POLR1B: variants seen among roughly 807,000 people sequenced by gnomAD.
The protein encoded by POLR1B is RNA polymerase I subunit B, also known as DNA-directed RNA polymerase I subunit RPA2.
In POLR1B, 30 loss-of-function variants were observed where a neutral mutation model predicts 105.8. The ratio of observed to expected loss-of-function variants is 0.28; its 90% confidence interval spans 0.21 to 0.38. POLR1B has a LOEUF of 0.38. Ranked by LOEUF, POLR1B falls within the 10% of genes least tolerant of loss-of-function variation. The pLI is 1.00. For missense variants in POLR1B, 976 were observed against 1,435.8 expected (o/e 0.68, Z 5.17); for synonymous variants, 485 against 505.1 (o/e 0.96, Z 0.53).
chr2:112,560,015 CT>C (rs1683890240), intron 9 of POLR1B, among the ~76,000 whole-genome samples: 1 of 151,968 alleles, frequency 6.6e-6, no homozygotes, highest in African/African-American at 2.4e-5. Context: ...TTTTACTCTT[CT>C]GTGCAGGAGT....
intron 1 of POLR1B, among the ~76,000 whole-genome samples, chr2:112,545,485 C>A (rs1328051162): frequency 6.6e-6 from 1 of 152,104 alleles, no homozygotes; most frequent in Non-Finnish European, 1.5e-5. Flanking sequence ...ATGTATTTAC[C>A]CTAGGAGCAG....
chr2:112,575,231 C>T lies in POLR1B; in HGVS notation c.2910C>T (p.Gly970=), dbSNP rs1414886532. The T allele has an allele frequency of 6.2e-7, 1 of 1,614,024 alleles. No homozygotes were observed. The highest frequency in any genetic ancestry group is 1.3e-5 in the African/African-American group (1 of 74,910). Residue 970 remains glycine (G), a synonymous_variant, in exon 15 of 15, where the codon GGC becomes GGT. Coordinates refer to ENST00000263331, the MANE Select transcript of POLR1B (RefSeq NM_019014.6). This position sits in a 1 kb window ranked among gnomAD's most constrained non-coding sequence, Gnocchi z 5.3. ...EYFGEMLKAA[G]YNFYGTERLY... is the part of the protein sequence containing the mutation. ...TTGGTGAGATGTTAAAGGCTGCTGGCTACAATTTCTATGGCACCGAGAGGT... is the reference window on the plus strand; with the variant it reads ...TTGGTGAGATGTTAAAGGCTGCTGGTTACAATTTCTATGGCACCGAGAGGT...
intron 11 of POLR1B, 69 bp from the exon 12 acceptor site, chr2:112,568,677 T>G: frequency 1.7e-5 from 26 of 1,536,014 alleles, no homozygotes; most frequent in Non-Finnish European, 2.1e-5. Flanking sequence ...TACTGAACTC[T>G]GAGAAATGGT....
chr2:112,548,781 T>A (rs1252863298), intron 3 of POLR1B, among the ~76,000 whole-genome samples: 1 of 151,984 alleles, frequency 6.6e-6, no homozygotes, highest in African/African-American at 2.4e-5. Flanking sequence ...CCTGGCTAAT[T>A]TTTTGTATTT....
At chr2:112,551,497 T>A (rs1491000798) in intron 5 of POLR1B, among the ~76,000 whole-genome samples, 6 of 152,178 alleles carry the variant, frequency 3.9e-5, no homozygotes, top group Non-Finnish European at 7.3e-5. Flanking sequence ...CCCATTATCT[T>A]TTTCACCACA....
In POLR1B at chr2:112,551,705, T is replaced by A. The variant is rs1683374354; in HGVS notation, c.763-70T>A. The A allele has an allele frequency of 2.4e-6, 3 of 1,264,022 alleles. No homozygotes were observed. The South Asian group carries it at 4.3e-5, about 18-fold the overall frequency. 78.3% of individuals were successfully genotyped at this position (1,264,022 alleles called of 1,614,324 possible). On this transcript the variant is annotated intron_variant, in intron 5 of 14. Coordinates refer to ENST00000263331, the MANE Select transcript of POLR1B (RefSeq NM_019014.6). ...TGGGTATTAAAAAAATGAGAGAAGA[T>A]AATTATTAGTGAATAGATAAAGTAT...
intron 1 of POLR1B, among the ~76,000 whole-genome samples, chr2:112,544,396 C>T (rs1291461542): frequency 2.6e-5 from 4 of 152,120 alleles, no homozygotes; most frequent in Non-Finnish European, 5.9e-5. Context: ...TGCACCACTG[C>T]ATTCCAGCCT....
chr2:112,546,880 A>T (rs1683084916), intron 1 of POLR1B, 132 bp from the exon 2 acceptor site: 1 of 986,670 alleles, frequency 1.0e-6, no homozygotes, highest in African/African-American at 1.6e-5. Context: ...GGTAGCCTTA[A>T]CTGTCCTTTT....
At position 112,559,440 on chromosome 2, in the gene POLR1B, C is replaced by T. The variant is rs532394488; in HGVS notation, c.1478C>T (p.Ser493Phe). 1.2e-5 allele frequency: 20 copies of T among 1,614,232 alleles called. No homozygotes were observed. The highest frequency in any genetic ancestry group is 1.6e-5 in the Non-Finnish European group (19 of 1,180,042). ...TTTVRRLLPESWGFLCPVHTP... is the reference protein window; with the variant it reads ...TTTVRRLLPEFWGFLCPVHTP... ...ACAGTACGCAGGCTGCTGCCAGAGT[C>T]CTGGGGCTTCCTTTGTCCCGTGCAT... is the stretch of plus-strand genomic sequence containing the variant. Residue 493 changes from serine (S) to phenylalanine (F), a missense_variant, in exon 9 of 15, where the codon TCC becomes TTC. Around this residue, in one of 12 missense-constraint regions of POLR1B, gnomAD observed 452 missense variants for 616.5 expected, o/e 0.73. Transcript: ENST00000263331.
In POLR1B at chr2:112,551,843, C is replaced by G; in HGVS notation, c.831C>G (p.Phe277Leu). 1 of 1,614,140 alleles carries G rather than the reference C, an allele frequency of 6.2e-7. No homozygotes were observed. The highest frequency in any genetic ancestry group is 8.5e-7 in the Non-Finnish European group (1 of 1,180,006). ...TCAAAGGAAAAGAGGATGATTCTTT[C>G]CTTAGGAACTCTGTTTCTCAGATGT... ...ELIKGKEDDS[F>L]LRNSVSQMLR... Residue 277 changes from phenylalanine to leucine, a missense_variant, in exon 6 of 15, where the codon TTC (phenylalanine) becomes TTG (leucine). Phe to Leu is a conservative substitution (Grantham distance 22). This residue lies in a region of POLR1B where 452 missense variants were observed against 616.5 expected (regional missense o/e 0.73). Coordinates refer to ENST00000263331, the MANE Select transcript of POLR1B (RefSeq NM_019014.6).
At chr2:112,548,615 CTTTT>C (rs199599329) in intron 3 of POLR1B, among the ~76,000 whole-genome samples, 1 of 142,728 alleles carries the variant, frequency 7.0e-6, no homozygotes, top group Non-Finnish European at 1.5e-5. Context: ...TTTTATCTTT[CTTTT>C]TTTTTTTTTT....
chr2:112,550,583 A>G (rs1414038707), intron 4 of POLR1B: 1 of 402,110 alleles, frequency 2.5e-6, no homozygotes, highest in Non-Finnish European at 4.5e-6. Flanking sequence ...TAAGGCAGAT[A>G]TAAAGTGCTA....
chr2:112,568,692 G>A, intron 11 of POLR1B, 54 bp from the exon 12 acceptor site: 2 of 1,578,190 alleles, frequency 1.3e-6, no homozygotes, highest in Non-Finnish European at 1.7e-6. Flanking sequence ...AATGGTAAGA[G>A]TAAATGTGTA....
rs1327083284 is a variant in POLR1B, at chr2:112,576,821, A to C, written c.*1092A>C. 4 of 152,194 alleles carry C rather than the reference A, an allele frequency of 2.6e-5. No homozygotes were observed. Among genetic ancestry groups the C allele is most frequent in the Admixed American group, 6.5e-5 (1 of 15,282 alleles). 9.4% of individuals were successfully genotyped at this position (152,194 alleles called of 1,614,324 possible). On this transcript the variant is annotated 3_prime_UTR_variant, in exon 15 of 15. Coordinates refer to ENST00000263331, the MANE Select transcript of POLR1B (RefSeq NM_019014.6). The stretch of plus-strand genomic sequence containing the variant: ...AGTGATCCACCCACCTCGGCCTCCG[A>C]AAGTGCTAGGATTACAGGTGTGAGC...
At chr2:112,566,801 T>C (rs1684304248) in intron 10 of POLR1B, among the ~76,000 whole-genome samples, 1 of 151,734 alleles carries the variant, frequency 6.6e-6, no homozygotes, top group African/African-American at 2.4e-5. Context: ...GGTGTGATCT[T>C]GGCTCACTGC....
chr2:112,553,058 A>G (rs947486444), intron 7 of POLR1B, among the ~76,000 whole-genome samples: 9 of 152,376 alleles, frequency 5.9e-5, no homozygotes, highest in Non-Finnish European at 1.3e-4. Flanking sequence ...TGTTAATGAT[A>G]AAAAGCAAAT....
chr2:112,550,027 G>A (rs888257565), intron 4 of POLR1B, among the ~76,000 whole-genome samples: 18 of 152,204 alleles, frequency 1.2e-4, no homozygotes, highest in African/African-American at 4.1e-4. Context: ...GAAAGAGCAT[G>A]TGTATTTTTG....
chr2:112,551,525 G>T lies in POLR1B; in HGVS notation c.763-250G>T, dbSNP rs1377208397. On this transcript the variant is annotated intron_variant, in intron 5 of 14. Coordinates refer to ENST00000263331, the MANE Select transcript of POLR1B (RefSeq NM_019014.6). ...TCACCACATTCTCTTGGTCAAGCAG[G>T]CCAGCCTTGATTCGGCATGGGAGGA... 3.3e-5 allele frequency among the ~76,000 whole-genome samples: 5 copies of T among 152,200 alleles called. No homozygotes were observed. In the East Asian group the frequency reaches 9.6e-4, roughly 29 times the overall value.
chr2:112,558,991 TCTGA>T (rs1683818093), intron 8 of POLR1B, among the ~76,000 whole-genome samples: 1 of 151,864 alleles, frequency 6.6e-6, no homozygotes, highest in African/African-American at 2.4e-5. Context: ...TTGTCTATTA[TCTGA>T]CTCTCTCAGA....
Sources: gnomAD v4.1 joint callset for allele counts (sites outside exome capture counted in the v4.1 genomes callset) on GRCh38, gnomAD v4.1.1 for gene constraint, gnomAD v4.1.1 regional missense constraint, Gnocchi (gnomAD v3.1) non-coding constraint, MANE v1.5 for transcripts, NCBI Gene and HGNC (gene_info 2026-07-23, HGNC 2026-07-21) for gene names.